TENT4B: variants seen among roughly 807,000 people sequenced by gnomAD.
The protein encoded by TENT4B is PAP associated domain containing 5.
A neutral mutation model predicts 75.0 loss-of-function variants in TENT4B; 10 were observed. The ratio of observed to expected loss-of-function variants is 0.13; its 90% CI spans 0.08 to 0.23. The LOEUF (loss-of-function observed/expected upper bound fraction) is 0.23, where lower values mean the gene tolerates loss of function less well. TENT4B is among the 10% of genes least tolerant of loss of function. TENT4B has a pLI of 1.00. For missense variants in TENT4B, 579 were observed against 893.8 expected (o/e 0.65, Z 4.49); for synonymous variants, 350 against 357.7 (o/e 0.98, Z 0.24).
rs1233779436 is a variant in TENT4B at position 50,221,013 on chromosome 16, G to T, written c.1039-1293G>T. ...AAAAAATGGAAATCACCGGCCAGGT[G>T]CTATGTTTCACACCTGTAATCCCAA... is the stretch of plus-strand genomic sequence containing the variant. On this transcript the variant is annotated intron_variant, in intron 5 of 11. Coordinates refer to ENST00000561678, the MANE Select transcript of TENT4B (RefSeq NM_001365324.3). Among the ~76,000 whole-genome samples, 4 of 152,070 alleles carry T rather than the reference G, an allele frequency of 2.6e-5. No individual in the cohort carries two copies. In the East Asian group the frequency reaches 7.7e-4, roughly 29 times the overall value.
rs560882715 is a variant in TENT4B, at chr16:50,233,548, G to T, written c.*4220G>T. 1.0e-6 allele frequency: 1 copy of T among 984,796 alleles called. No individual in the cohort carries two copies. Among genetic ancestry groups the T allele is most frequent in the South Asian group, 4.7e-5 (1 of 21,264 alleles). 61.0% of individuals were successfully genotyped at this position (984,796 alleles called of 1,614,324 possible). A position where few individuals can be genotyped will look rare whatever the true frequency, so the allele number is the denominator to read the frequency against. ...AATGAGCTAAATATATATAGACGTT[G>T]AATGTTGACAAAATTATTAACCAGA... On this transcript the variant is annotated 3_prime_UTR_variant, in exon 12 of 12. Transcript: ENST00000561678.
At chr16:50,172,429 C>G (rs1259835935) in intron 1 of TENT4B, among the ~76,000 whole-genome samples, 1 of 151,432 alleles carries the variant, frequency 6.6e-6, no homozygotes, top group Non-Finnish European at 1.5e-5. Flanking sequence ...ATGCATAGTT[C>G]TTGGTAAACA....
intron 10 of TENT4B, 139 bp downstream of exon 10, chr16:50,225,424 A>G (rs894078043): frequency 3.4e-6 from 3 of 884,448 alleles, no homozygotes; most frequent in Middle Eastern, 3.3e-4. Flanking sequence ...ATGCTTGTAC[A>G]TTTTCTCAAC....
rs1254820051 is a variant in TENT4B at position 50,230,451 on chromosome 16, A to C, written c.*1123A>C. 2 of 985,484 alleles carry C rather than the reference A, an allele frequency of 2.0e-6. No individual in the cohort carries two copies. Among genetic ancestry groups the C allele is most frequent in the African/African-American group, 3.5e-5 (2 of 57,226 alleles). 61.0% of individuals were successfully genotyped at this position (985,484 alleles called of 1,614,324 possible). ...CTTATTCTTTTTAAAATTCATGCTT[A>C]ACTACTGTGGGAGAATAACTGTAAA... is the stretch of plus-strand genomic sequence containing the variant. On this transcript the variant is annotated 3_prime_UTR_variant, in exon 12 of 12. Transcript: ENST00000561678.
At chr16:50,215,805 G>A (rs1009209956) in intron 3 of TENT4B, among the ~76,000 whole-genome samples, 14 of 150,750 alleles carry the variant, frequency 9.3e-5, no homozygotes, top group Non-Finnish European at 1.8e-4. Context: ...AGTGCTTTTT[G>A]TTTTTTTTTC....
At position 50,231,708 on chromosome 16, in the gene TENT4B, T is replaced by C; in HGVS notation, c.*2380T>C. On this transcript the variant is annotated 3_prime_UTR_variant, in exon 12 of 12. Coordinates refer to ENST00000561678, the MANE Select transcript of TENT4B (RefSeq NM_001365324.3). ...AAAGAAAAAAGCATGAAGGAGAAATTGAGGTGTGTATACATTTCCTCAAAT... is the reference window on the plus strand; with the variant it reads ...AAAGAAAAAAGCATGAAGGAGAAATCGAGGTGTGTATACATTTCCTCAAAT... The C allele has an allele frequency of 1.0e-6, 1 of 985,868 alleles. No homozygotes were observed. The highest frequency in any genetic ancestry group is 1.2e-6 in the Non-Finnish European group (1 of 829,930). 61.1% of individuals were successfully genotyped at this position (985,868 alleles called of 1,614,324 possible).
chr16:50,174,519 A>T (rs536092528), intron 1 of TENT4B, among the ~76,000 whole-genome samples: 1 of 152,228 alleles, frequency 6.6e-6, no homozygotes, highest in Non-Finnish European at 1.5e-5. Context: ...CATGCATACA[A>T]TGTGGATCAA....
chr16:50,217,454 T>C (rs1183877566), intron 4 of TENT4B, 102 bp from the exon 5 acceptor site: 3 of 625,134 alleles, frequency 4.8e-6, no homozygotes, highest in Non-Finnish European at 8.3e-6. Flanking sequence ...TCTTATGCTC[T>C]CATGAGATGA....
intron 5 of TENT4B, among the ~76,000 whole-genome samples, chr16:50,222,072 A>G (rs1238550031): frequency 6.6e-6 from 1 of 152,184 alleles, no homozygotes; most frequent in Non-Finnish European, 1.5e-5. Flanking sequence ...GCCCTGTAGC[A>G]AGTACTTAGA....
At chr16:50,166,999 C>T (rs1384919956) in intron 1 of TENT4B, among the ~76,000 whole-genome samples, 2 of 152,112 alleles carry the variant, frequency 1.3e-5, no homozygotes, top group Non-Finnish European at 2.9e-5. Context: ...TCATAGTTCA[C>T]TGCCATTTTG....
rs2032379932 is a variant in TENT4B at position 50,234,188 on chromosome 16, T to C, written c.*4860T>C. 2.0e-6 allele frequency: 2 copies of C among 985,424 alleles called. No homozygotes were observed. Among genetic ancestry groups the C allele is most frequent in the Non-Finnish European group, 1.2e-6 (1 of 830,018 alleles). The allele number at this position is 985,424 out of a possible 1,614,324, so 61.0% of individuals were successfully genotyped here. A position where few individuals can be genotyped will look rare whatever the true frequency, so the allele number is the denominator to read the frequency against. On this transcript the variant is annotated 3_prime_UTR_variant, in exon 12 of 12. Transcript: ENST00000561678. ...AGTTGCTCAGGCCGGGCATGGTGGC[T>C]CACGCCTGTAATCCCAGCACTTTGG...
At position 50,165,917 on chromosome 16, in the gene TENT4B, A is replaced by G. The variant is rs192590335; in HGVS notation, c.638+11658A>G. Among the ~76,000 whole-genome samples the G allele has an allele frequency of 1.1e-3, 160 of 151,810 alleles. 1 individual carries two copies. The highest frequency in any genetic ancestry group is 3.8e-3 in the African/African-American group (157 of 41,382). ...CAAGTTTTTATGTGAACGTGTTTTC[A>G]TTTTTCTTGGGTATATACTTAAGTG... On this transcript the variant is annotated intron_variant, in intron 1 of 11. Transcript: ENST00000561678.
Position 50,233,416 on chromosome 16 carries a change from T to C in TENT4B, c.*4088T>C, listed in dbSNP as rs764639536. ...GATTTTACTGTAGAAGTTATTTACA[T>C]GATTTGAAAACTTGACCTAACTGGA... On this transcript the variant is annotated 3_prime_UTR_variant, in exon 12 of 12. Transcript: ENST00000561678. 6 of 985,430 alleles carry C rather than the reference T, an allele frequency of 6.1e-6. No individual in the cohort carries two copies. Among genetic ancestry groups the C allele is most frequent in the Non-Finnish European group, 7.2e-6 (6 of 829,936 alleles). 61.0% of individuals were successfully genotyped at this position (985,430 alleles called of 1,614,324 possible).
In TENT4B at chr16:50,233,591, C is replaced by T. The variant is rs914232924; in HGVS notation, c.*4263C>T. 2 of 983,332 alleles carry T rather than the reference C, an allele frequency of 2.0e-6. No individual in the cohort carries two copies. Among genetic ancestry groups the T allele is most frequent in the African/African-American group, 3.5e-5 (2 of 57,134 alleles). 60.9% of individuals were successfully genotyped at this position (983,332 alleles called of 1,614,324 possible). On this transcript the variant is annotated 3_prime_UTR_variant, in exon 12 of 12. Coordinates refer to ENST00000561678, the MANE Select transcript of TENT4B (RefSeq NM_001365324.3). ...TAACCAGAAAAATTGCTTATAAAGG[C>T]TGCTGATCTATTTGATACCTAGAAT...
chr16:50,215,301 C>G (rs913829115), intron 3 of TENT4B, among the ~76,000 whole-genome samples: 3 of 151,970 alleles, frequency 2.0e-5, no homozygotes, highest in Non-Finnish European at 4.4e-5. Context: ...TATACTTTAC[C>G]CCAACTTAAA....
At chr16:50,179,128 C>T (rs1366194793) in intron 1 of TENT4B, among the ~76,000 whole-genome samples, 4 of 149,246 alleles carry the variant, frequency 2.7e-5, no homozygotes, top group Non-Finnish European at 4.5e-5. Context: ...TTTGGGAGAC[C>T]GAGGCGGGTG....
At chr16:50,165,058 ATT>A (rs5816678) in intron 1 of TENT4B, among the ~76,000 whole-genome samples, 185 of 148,046 alleles carry the variant, frequency 1.2e-3, no homozygotes, top group East Asian at 1.4e-3. Context: ...CGTCTGAAAA[ATT>A]TTTTTTTTTT....
intron 1 of TENT4B, among the ~76,000 whole-genome samples, chr16:50,178,312 A>T (rs746847839): frequency 2.6e-5 from 4 of 151,714 alleles, no homozygotes; most frequent in Non-Finnish European, 5.9e-5. Context: ...TTAAAATATT[A>T]GTTGGGTATG....
At chr16:50,167,932 C>T (rs2038133798) in intron 1 of TENT4B, among the ~76,000 whole-genome samples, 1 of 152,102 alleles carries the variant, frequency 6.6e-6, no homozygotes, top group Non-Finnish European at 1.5e-5. Flanking sequence ...GCTGGGATTA[C>T]AGGCATGAGC....
Sources: allele counts gnomAD v4.1 joint callset (sites outside exome capture counted in the v4.1 genomes callset), GRCh38; gene constraint gnomAD v4.1.1; transcripts MANE v1.5; gene names NCBI Gene and HGNC (gene_info 2026-07-23, HGNC 2026-07-21).